Variants in MDGA2 observed in about 807,000 individuals in gnomAD.
MDGA2 encodes the protein MAM domain-containing glycosylphosphatidylinositol anchor protein 2.
In MDGA2, 40 loss-of-function variants were observed where a neutral mutation model predicts 117.8. The ratio of observed to expected loss-of-function variants is 0.34; its 90% CI spans 0.26 to 0.44. The LOEUF (loss-of-function observed/expected upper bound fraction) is 0.44. Ranked by LOEUF, MDGA2 falls within the 20% of genes least tolerant of loss-of-function variation. MDGA2 has a pLI of 1.00. For synonymous variants in MDGA2, 452 were observed against 439.0 expected, an observed-to-expected ratio of 1.03 and a Z score of -0.37; for missense variants, 1,123 against 1,250.6, an observed-to-expected ratio of 0.90 and a Z score of 1.54.
At chr14:47,395,332 G>A (rs913412602) in intron 1 of MDGA2, among the ~76,000 whole-genome samples, 1 of 152,052 alleles carries the variant, frequency 6.6e-6, no homozygotes, top group Admixed American at 6.6e-5. Flanking sequence ...ACAATATGTA[G>A]TCATATCCCA....
intron 8 of MDGA2, among the ~76,000 whole-genome samples, chr14:47,028,011 T>A (rs1466887020): frequency 6.6e-6 from 1 of 152,154 alleles, no homozygotes; most frequent in African/African-American, 2.4e-5. Context: ...ATACATTGTT[T>A]CTTCTTTTTT....
At chr14:47,407,922 T>G (rs1006554124) in intron 1 of MDGA2, among the ~76,000 whole-genome samples, 1 of 152,088 alleles carries the variant, frequency 6.6e-6, no homozygotes, top group African/African-American at 2.4e-5. Flanking sequence ...AAATAACACA[T>G]GTAGTAGGAA....
intron 3 of MDGA2, among the ~76,000 whole-genome samples, chr14:47,207,974 T>A (rs568316570): frequency 1.2e-3 from 184 of 152,138 alleles, no homozygotes; most frequent in African/African-American, 4.3e-3. Context: ...AACAGCTAAG[T>A]TTTTGAAAAT....
At chr14:47,080,304 T>C (rs946918944) in intron 6 of MDGA2, among the ~76,000 whole-genome samples, 3 of 152,206 alleles carry the variant, frequency 2.0e-5, no homozygotes, top group African/African-American at 7.2e-5. Context: ...GGAGGAAATT[T>C]ATAACAATTT....
chr14:47,342,794 T>TA (rs1351860862), intron 1 of MDGA2: 5 of 329,260 alleles, frequency 1.5e-5, no homozygotes, highest in Non-Finnish European at 3.0e-5. Flanking sequence ...ATAAAACACT[T>TA]ACAAAAGTAG....
intron 1 of MDGA2, among the ~76,000 whole-genome samples, chr14:47,349,829 C>T (rs964016669): frequency 1.3e-5 from 2 of 152,178 alleles, no homozygotes; most frequent in East Asian, 1.9e-4. Context: ...CATTCTTTTA[C>T]CCCCAGAAGG....
chr14:46,935,096 T>C (rs950440117), intron 9 of MDGA2, among the ~76,000 whole-genome samples: 2 of 151,906 alleles, frequency 1.3e-5, no homozygotes, highest in African/African-American at 4.8e-5. Context: ...CTGAAACAAC[T>C]GTAGAGTATG....
intron 10 of MDGA2, among the ~76,000 whole-genome samples, chr14:46,892,200 ATAAACT>A (rs547738889): frequency 1.2e-4 from 18 of 152,108 alleles, no homozygotes; most frequent in East Asian, 3.9e-4. Context: ...GAGCCTAGAA[ATAAACT>A]TAAGCATATG....
intron 2 of MDGA2, among the ~76,000 whole-genome samples, chr14:47,239,119 A>G (rs1345791473): frequency 6.6e-6 from 1 of 151,514 alleles, no homozygotes; most frequent in East Asian, 1.9e-4. Context: ...CGCCATCATA[A>G]AGTTGTATTG....
chr14:47,051,341 T>C (rs986803278), intron 7 of MDGA2, among the ~76,000 whole-genome samples: 3 of 151,922 alleles, frequency 2.0e-5, no homozygotes, highest in African/African-American at 7.2e-5. Context: ...TGTGGAGACC[T>C]GTCCCAGTAA....
intron 7 of MDGA2, among the ~76,000 whole-genome samples, chr14:47,049,496 AT>A (rs1566592674): frequency 1.3e-5 from 2 of 152,022 alleles, no homozygotes; most frequent in Admixed American, 6.6e-5. Flanking sequence ...TATTTGTATA[AT>A]TTTTATTGTT....
At chr14:47,101,277 GA>G (rs1334779500) in intron 5 of MDGA2, among the ~76,000 whole-genome samples, 1 of 152,112 alleles carries the variant, frequency 6.6e-6, no homozygotes, top group Non-Finnish European at 1.5e-5. Flanking sequence ...ACTCTCAATA[GA>G]ATTTCAATAA....
chr14:47,190,423 G>C (rs542341448), intron 3 of MDGA2, among the ~76,000 whole-genome samples: 166 of 152,282 alleles, frequency 1.1e-3, no homozygotes, highest in Middle Eastern at 3.4e-3. Context: ...GACCTTCAAG[G>C]TATGTGTCCT....
intron 5 of MDGA2, among the ~76,000 whole-genome samples, chr14:47,101,568 T>G (rs1880326768): frequency 6.6e-6 from 1 of 152,082 alleles, no homozygotes; most frequent in African/African-American, 2.4e-5. Context: ...TCATGGAAAA[T>G]ACTCCATGTT....
intron 1 of MDGA2, among the ~76,000 whole-genome samples, chr14:47,421,739 G>C (rs982320251): frequency 2.6e-5 from 4 of 152,064 alleles, no homozygotes; most frequent in Non-Finnish European, 4.4e-5. Flanking sequence ...GACTAAAGCT[G>C]TTTATTACTA....
chr14:47,399,200 G>A (rs575962998), intron 1 of MDGA2, among the ~76,000 whole-genome samples: 1 of 152,142 alleles, frequency 6.6e-6, no homozygotes, highest in East Asian at 1.9e-4. Flanking sequence ...TAAGACATAA[G>A]AAAGAAGGAA....
intron 1 of MDGA2, among the ~76,000 whole-genome samples, chr14:47,334,090 T>C (rs937323396): frequency 1.3e-4 from 20 of 151,858 alleles, no homozygotes; most frequent in Admixed American, 6.6e-5. Flanking sequence ...AGGTGATATA[T>C]AGAATATTTG....
At chr14:47,486,915 T>TA (rs1894073210) in intron 1 of MDGA2, among the ~76,000 whole-genome samples, 6 of 152,284 alleles carry the variant, frequency 3.9e-5, no homozygotes, top group African/African-American at 1.4e-4. Context: ...AGCAGCAGCG[T>TA]GAAAAAAGAC....
intron 1 of MDGA2, among the ~76,000 whole-genome samples, chr14:47,416,731 G>A (rs1182328466): frequency 6.6e-6 from 1 of 152,118 alleles, no homozygotes; most frequent in East Asian, 1.9e-4. Context: ...ACTATGCAAG[G>A]TTCACCACCT....
Sources: gnomAD v4.1 joint callset for allele counts (sites outside exome capture counted in the v4.1 genomes callset) on GRCh38, gnomAD v4.1.1 for gene constraint, MANE v1.5 for transcripts, NCBI Gene and HGNC (gene_info 2026-07-23, HGNC 2026-07-21) for gene names.